LRRC3B: variants seen among roughly 807,000 people sequenced by gnomAD.
LRRC3B encodes the protein leucine-rich repeat-containing protein 3B.
In LRRC3B, 2 loss-of-function variants were observed where a neutral mutation model predicts 12.8. That is an observed-to-expected ratio of 0.16 (90% CI 0.06 to 0.49). LRRC3B has a LOEUF of 0.49. LRRC3B is among the 20% of genes least tolerant of loss of function. The pLI, the probability that LRRC3B is intolerant of heterozygous loss-of-function variation, is 0.96. For synonymous variants in LRRC3B, 132 were observed against 122.0 expected (o/e 1.08, Z -0.54); for missense variants, 189 against 319.4 (o/e 0.59, Z 3.11).
intron 1 of LRRC3B, among the ~76,000 whole-genome samples, chr3:26,642,679 C>T (rs1260370965): frequency 1.3e-5 from 2 of 152,108 alleles, no homozygotes; most frequent in Non-Finnish European, 2.9e-5. Flanking sequence ...AGCTCTAGGT[C>T]AATGACTGGA....
At chr3:26,654,339 A>G (rs942234391) in intron 1 of LRRC3B, among the ~76,000 whole-genome samples, 1 of 152,326 alleles carries the variant, frequency 6.6e-6, no homozygotes, top group Admixed American at 6.5e-5. Flanking sequence ...GCTGCATGCT[A>G]GAATCTCTTA....
intron 1 of LRRC3B, among the ~76,000 whole-genome samples, chr3:26,641,481 A>G (rs1227288279): frequency 6.6e-6 from 1 of 152,166 alleles, no homozygotes; most frequent in Non-Finnish European, 1.5e-5. Context: ...TTCATGGCCA[A>G]CCTCGACTGG....
intron 1 of LRRC3B, among the ~76,000 whole-genome samples, chr3:26,637,720 T>C (rs971943683): frequency 6.6e-6 from 1 of 152,172 alleles, no homozygotes; most frequent in Non-Finnish European, 1.5e-5. Flanking sequence ...TTTTTCAGAA[T>C]GATATTTTTA....
chr3:26,630,055 C>G lies in LRRC3B; in HGVS notation c.-161+6818C>G, dbSNP rs1698722267. 2.0e-5 allele frequency among the ~76,000 whole-genome samples: 3 copies of G among 148,560 alleles called. No homozygotes were observed. The South Asian group carries it at 6.3e-4, about 31-fold the overall frequency. On this transcript the variant is annotated intron_variant, in intron 1 of 1. Transcript: ENST00000396641. Reference sequence around the variant, plus strand: ...AGACTAAGAGATATCTGATAGTAAACCTAAACCAAAGGATAAGGGGAAAAA... The same window carrying G: ...AGACTAAGAGATATCTGATAGTAAAGCTAAACCAAAGGATAAGGGGAAAAA...
intron 1 of LRRC3B, among the ~76,000 whole-genome samples, chr3:26,646,983 C>G (rs1907163): frequency 0.35 from 53,838 of 151,862 alleles, 10,266 homozygotes; most frequent in African/African-American, 0.5. Context: ...TACTCAAGTG[C>G]GTAGCTCCTT....
intron 1 of LRRC3B, among the ~76,000 whole-genome samples, chr3:26,630,208 G>A (rs1698726435): frequency 6.6e-6 from 1 of 152,268 alleles, no homozygotes; most frequent in Admixed American, 6.5e-5. Context: ...TTCAAAGGCA[G>A]CCTAGCTCCC....
At chr3:26,645,924 A>G (rs941768560) in intron 1 of LRRC3B, among the ~76,000 whole-genome samples, 3 of 152,108 alleles carry the variant, frequency 2.0e-5, no homozygotes, top group Admixed American at 6.6e-5. Context: ...CCGTCATATC[A>G]AGGTCAAAGG....
intron 1 of LRRC3B, among the ~76,000 whole-genome samples, chr3:26,674,189 A>AAAGTT (rs1699810501): frequency 6.6e-6 from 1 of 152,216 alleles, no homozygotes; most frequent in African/African-American, 2.4e-5. Context: ...ATCACCTCCA[A>AAAGTT]AAGTTAATCA....
intron 1 of LRRC3B, among the ~76,000 whole-genome samples, chr3:26,674,714 G>A (rs566385375): frequency 2.6e-5 from 4 of 152,176 alleles, no homozygotes; most frequent in Admixed American, 1.3e-4. Flanking sequence ...CATCACAACC[G>A]GGAAGCCCCA....
intron 1 of LRRC3B, among the ~76,000 whole-genome samples, chr3:26,695,730 CAT>C (rs138204777): frequency 0.06 from 9,149 of 152,212 alleles, 906 homozygotes; most frequent in African/African-American, 0.21. Flanking sequence ...TGTAGATAAA[CAT>C]GTGTGTTTAA....
chr3:26,675,093 A>G (rs1228108418), intron 1 of LRRC3B, among the ~76,000 whole-genome samples: 2 of 152,080 alleles, frequency 1.3e-5, no homozygotes, highest in African/African-American at 4.8e-5. Flanking sequence ...TTTTCCGTGT[A>G]CTTTAGTAGT....
Position 26,676,845 on chromosome 3 carries a change from C to T in LRRC3B, c.-160-32668C>T, listed in dbSNP as rs546604985. The stretch of plus-strand genomic sequence containing the variant: ...AAAGACTTGGAACCAACCCAAATGT[C>T]ATTTCATTTTTAAATTTGCACATCC... On this transcript the variant is annotated intron_variant, in intron 1 of 1. Coordinates refer to ENST00000396641, the Ensembl canonical transcript of LRRC3B. Among the ~76,000 whole-genome samples the T allele has an allele frequency of 4.6e-5, 7 of 152,306 alleles. No homozygotes were observed. In the South Asian group the frequency reaches 1.2e-3, roughly 27 times the overall value.
At chr3:26,631,520 G>A (rs977570881) in intron 1 of LRRC3B, among the ~76,000 whole-genome samples, 1 of 152,170 alleles carries the variant, frequency 6.6e-6, no homozygotes. Flanking sequence ...GATAAAGAGG[G>A]AACTGTGGTC....
intron 1 of LRRC3B, among the ~76,000 whole-genome samples, chr3:26,695,546 A>AAACAAAC (rs1559370402): frequency 1.2e-4 from 14 of 115,992 alleles, no homozygotes; most frequent in African/African-American, 4.4e-4. Context: ...AACAAACAAA[A>AAACAAAC]AAACTTCTTG....
intron 1 of LRRC3B, among the ~76,000 whole-genome samples, chr3:26,658,310 G>A (rs1437013916): frequency 3.3e-5 from 5 of 152,056 alleles, no homozygotes; most frequent in African/African-American, 7.2e-5. Flanking sequence ...TGCCCGCCTC[G>A]GCCTCCCAGA....
intron 1 of LRRC3B, among the ~76,000 whole-genome samples, chr3:26,692,021 T>C (rs1277747109): frequency 1.3e-5 from 2 of 152,224 alleles, no homozygotes; most frequent in Admixed American, 6.5e-5. Context: ...CTAGGATGGC[T>C]ATCCACACAT....
intron 1 of LRRC3B, among the ~76,000 whole-genome samples, chr3:26,655,888 A>G (rs2125418578): frequency 6.6e-6 from 1 of 152,276 alleles, no homozygotes; most frequent in South Asian, 2.1e-4. Flanking sequence ...CCTTATTGCT[A>G]TTTATTATCA....
Position 26,628,423 on chromosome 3 carries a change from G to GA in LRRC3B, c.-161+5202dup, listed in dbSNP as rs35313598. 2.5e-3 allele frequency among the ~76,000 whole-genome samples: 334 copies of GA among 134,114 alleles called. 3 individuals carry two copies. The highest frequency in any genetic ancestry group is 8.2e-3 in the African/African-American group (301 of 36,848). The allele number at this position is 134,114 out of a possible 152,430, so 88.0% of individuals were successfully genotyped here. On this transcript the variant is annotated intron_variant, in intron 1 of 1. Coordinates refer to ENST00000396641, the Ensembl canonical transcript of LRRC3B. ...TAGAAAGAGTTTGAAGAAGATACTG[G>GA]AAAAAAAAAAAAAAAAGCTCAGAGT... is the stretch of plus-strand genomic sequence containing the variant.
At chr3:26,628,423 G>A (rs199878410) in intron 1 of LRRC3B, among the ~76,000 whole-genome samples, 14 of 134,114 alleles carry the variant, frequency 1.0e-4, no homozygotes, top group South Asian at 5.0e-4. Context: ...GAAGATACTG[G>A]AAAAAAAAAA....
Sources: allele counts gnomAD v4.1 joint callset (sites outside exome capture counted in the v4.1 genomes callset), GRCh38; gene constraint gnomAD v4.1.1; transcripts MANE v1.5; gene names NCBI Gene and HGNC (gene_info 2026-07-23, HGNC 2026-07-21).